HDLBP: variants seen among roughly 807,000 people sequenced by gnomAD.
HDLBP encodes high density lipoprotein binding protein.
In HDLBP, 30 loss-of-function variants were observed where a neutral mutation model predicts 137.3. The ratio of observed to expected loss-of-function variants is 0.22; its 90% CI spans 0.16 to 0.30. HDLBP has a LOEUF of 0.30. Among genes scored for constraint, HDLBP ranks in the 10% least tolerant of loss-of-function variants. The probability of loss-of-function intolerance (pLI) is 1.00; values close to 1 mark genes in which losing one functional copy is unlikely to be tolerated. For synonymous variants in HDLBP, 606 were observed against 596.0 expected, an observed-to-expected ratio of 1.02 and a Z score of -0.24; for missense variants, 1,119 against 1,667.3, an observed-to-expected ratio of 0.67 and a Z score of 5.73.
intron 8 of HDLBP, 37 bp downstream of exon 8, chr2:241,255,337 C>G: frequency 1.3e-6 from 2 of 1,584,252 alleles, no homozygotes; most frequent in Non-Finnish European, 1.7e-6. Context: ...GCGGACTCCA[C>G]TCAAAGGAGA....
intron 1 of HDLBP, among the ~76,000 whole-genome samples, chr2:241,274,411 T>C (rs2074315434): frequency 2.0e-5 from 3 of 152,256 alleles, no homozygotes; most frequent in African/African-American, 4.8e-5. Flanking sequence ...CATTCCCTTC[T>C]GTGTCACTGC....
At chr2:241,267,845 G>C (rs922962454) in intron 2 of HDLBP, 59 of 1,434,666 alleles carry the variant, frequency 4.1e-5, no homozygotes, top group Non-Finnish European at 4.8e-5. Context: ...CGCACAGCAG[G>C]GGAAACCTGG....
rs1271506625 is a variant in HDLBP, at chr2:241,235,560, G to A, written c.2939C>T (p.Pro980Leu). The change falls in exon 22 of 28, where the codon CCC (proline) becomes CTC (leucine). Residue 980 changes from proline to leucine, a missense_variant. Pro to Leu is a moderately conservative substitution (Grantham distance 98, BLOSUM62 -3). Around this residue, in one of 4 missense-constraint regions of HDLBP, gnomAD observed 618 missense variants for 816.7 expected, o/e 0.76. Coordinates refer to ENST00000310931, the MANE Select transcript of HDLBP (RefSeq NM_005336.6). ...LVPVTIEVEV[P>L]FDLHRYVIGQ... ...AATAACGTAACGGTGAAGGTCAAAG[G>A]GCACCTCTACTTCAATGGTGACAGG... 2 of 1,613,922 alleles carry A rather than the reference G, an allele frequency of 1.2e-6. No homozygotes were observed. The highest frequency in any genetic ancestry group is 1.3e-5 in the African/African-American group (1 of 74,890).
intron 1 of HDLBP, among the ~76,000 whole-genome samples, chr2:241,270,652 G>A (rs2073976314): frequency 6.6e-6 from 1 of 152,120 alleles, no homozygotes; most frequent in Non-Finnish European, 1.5e-5. Flanking sequence ...ACCTGCCTCT[G>A]GTTCAACAAA....
At chr2:241,261,977 G>A (rs1455120306) in intron 5 of HDLBP, among the ~76,000 whole-genome samples, 1 of 152,192 alleles carries the variant, frequency 6.6e-6, no homozygotes, top group Non-Finnish European at 1.5e-5. Flanking sequence ...AGCCTATCTA[G>A]TACAACAGCA....
At position 241,296,100 on chromosome 2, in the gene HDLBP, CAAAAAAAAA is replaced by C. The variant is rs34959720; in HGVS notation, c.-103+19461_-103+19469del. Among the ~76,000 whole-genome samples, 22 of 85,698 alleles carry C rather than the reference CAAAAAAAAA, an allele frequency of 2.6e-4. 2 individuals carry two copies. In the South Asian group the frequency reaches 0.011, roughly 42 times the overall value. 56.2% of individuals were successfully genotyped at this position (85,698 alleles called of 152,430 possible). ...CATAAAACCAGGCTAGAAAATTTTG[CAAAAAAAAA>C]AAAAAAAAAGCTGGGATTCAACTAA... is the stretch of plus-strand genomic sequence containing the variant. On this transcript the variant is annotated intron_variant, in intron 1 of 27. Transcript: ENST00000310931.
chr2:241,261,069 C>T (rs2073126897), intron 5 of HDLBP, among the ~76,000 whole-genome samples: 1 of 151,790 alleles, frequency 6.6e-6, no homozygotes. Flanking sequence ...ATGGTGCATG[C>T]CTGCAGTCTC....
intron 1 of HDLBP, among the ~76,000 whole-genome samples, chr2:241,288,027 C>T (rs1024229417): frequency 6.6e-6 from 1 of 152,154 alleles, no homozygotes; most frequent in African/African-American, 2.4e-5. Flanking sequence ...TGGACATATG[C>T]TAAGTGTTTG....
intron 23 of HDLBP, among the ~76,000 whole-genome samples, chr2:241,234,685 A>G (rs1224849299): frequency 6.6e-6 from 1 of 152,158 alleles, no homozygotes; most frequent in African/African-American, 2.4e-5. Context: ...TTCAAACGTC[A>G]GCCTTGCCAG....
At chr2:241,314,408 A>G (rs2149743104) in intron 1 of HDLBP, among the ~76,000 whole-genome samples, 1 of 152,332 alleles carries the variant, frequency 6.6e-6, no homozygotes, top group South Asian at 2.1e-4. Flanking sequence ...TAGGGTTTTA[A>G]GGAAGTTAGC....
chr2:241,309,384 C>T (rs1156563086), intron 1 of HDLBP, among the ~76,000 whole-genome samples: 1 of 152,132 alleles, frequency 6.6e-6, no homozygotes, highest in Non-Finnish European at 1.5e-5. Flanking sequence ...TACACTACTT[C>T]GTGAAGCACC....
In HDLBP at chr2:241,272,168, G is replaced by A. The variant is rs1224392675; in HGVS notation, c.-102-3627C>T. The A allele has an allele frequency of 2.0e-6, 2 of 985,126 alleles. No homozygotes were observed. Among genetic ancestry groups the A allele is most frequent in the South Asian group, 4.7e-5 (1 of 21,294 alleles). 61.0% of individuals were successfully genotyped at this position (985,126 alleles called of 1,614,324 possible). A position where few individuals can be genotyped will look rare whatever the true frequency, so the allele number is the denominator to read the frequency against. On this transcript the variant is annotated intron_variant, in intron 1 of 27. Transcript: ENST00000310931. The surrounding 1 kb of genome is among the most constrained non-coding windows in gnomAD (Gnocchi z 5.6). ...AGCTTTCCCCACCCCCGAACACGTA[G>A]ACTGACGCGGGCCCCGCGCGGCAGG...
chr2:241,238,821 G>A lies in HDLBP; in HGVS notation c.2611-34C>T, dbSNP rs775842362. The A allele has an allele frequency of 6.8e-7, 1 of 1,464,344 alleles. No homozygotes were observed. Among genetic ancestry groups the A allele is most frequent in the Non-Finnish European group, 9.1e-7 (1 of 1,095,192 alleles). The allele number at this position is 1,464,344 out of a possible 1,614,324, so 90.7% of individuals were successfully genotyped here. A position where few individuals can be genotyped will look rare whatever the true frequency, so the allele number is the denominator to read the frequency against. On this transcript the variant is annotated intron_variant, in intron 19 of 27. Coordinates refer to ENST00000310931, the MANE Select transcript of HDLBP (RefSeq NM_005336.6). The surrounding 1 kb of genome is among the most constrained non-coding windows in gnomAD (Gnocchi z 4.9). ...AGGTACACAAAGAAAAAAGAAAAGA[G>A]CAAAGATTAAATTCCTTAGGGCAAG... is the stretch of plus-strand genomic sequence containing the variant.
intron 1 of HDLBP, among the ~76,000 whole-genome samples, chr2:241,286,217 G>A (rs1051669218): frequency 3.9e-5 from 6 of 152,176 alleles, no homozygotes; most frequent in African/African-American, 1.4e-4. Context: ...ACTTTGGGAG[G>A]TTGAGGTGGG....
In HDLBP at chr2:241,293,751, C is replaced by T. The variant is rs550304265; in HGVS notation, c.-103+21819G>A. Among the ~76,000 whole-genome samples, 7 of 150,854 alleles carry T rather than the reference C, an allele frequency of 4.6e-5. No individual in the cohort carries two copies. In the South Asian group the frequency reaches 1.5e-3, roughly 32 times the overall value. On this transcript the variant is annotated intron_variant, in intron 1 of 27. Coordinates refer to ENST00000310931, the MANE Select transcript of HDLBP (RefSeq NM_005336.6). ...CCTGGGCAACATAGCGAAACCTCAT[C>T]TCTACCAAAAATACAAAAAATTAGC...
chr2:241,231,710 C>T (rs1396025860), intron 24 of HDLBP, among the ~76,000 whole-genome samples: 1 of 152,102 alleles, frequency 6.6e-6, no homozygotes, highest in Non-Finnish European at 1.5e-5. Context: ...TCAGGCCTTC[C>T]TTGGGCCACA....
intron 1 of HDLBP, among the ~76,000 whole-genome samples, chr2:241,279,454 AAAC>A (rs748353914): frequency 6.6e-6 from 1 of 152,234 alleles, no homozygotes; most frequent in Non-Finnish European, 1.5e-5. Flanking sequence ...ACTCTGAAGA[AAAC>A]AACGTGGAGG....
In HDLBP at chr2:241,247,100, A is replaced by G; in HGVS notation, c.1774T>C (p.Phe592Leu). ...YSISVPIFKQ[F>L]HKNIIGKGGA... Reference sequence around the variant, plus strand: ...CCTTTCCCAATGATATTCTTGTGAAACTGTTTGAAGATCGGAACAGAAATT... The same window carrying G: ...CCTTTCCCAATGATATTCTTGTGAAGCTGTTTGAAGATCGGAACAGAAATT... Residue 592 changes from phenylalanine (F) to leucine (L), a missense_variant, in exon 15 of 28, where the codon TTT becomes CTT. Physicochemically the swap from Phe to Leu is conservative, Grantham distance 22. Around this residue, in one of 4 missense-constraint regions of HDLBP, gnomAD observed 425 missense variants for 693.9 expected, o/e 0.61. Transcript: ENST00000310931. 1 of 1,613,768 alleles carries G rather than the reference A, an allele frequency of 6.2e-7. No individual in the cohort carries two copies. Among genetic ancestry groups the G allele is most frequent in the African/African-American group, 1.3e-5 (1 of 75,028 alleles).
At position 241,235,482 on chromosome 2, in the gene HDLBP, G is replaced by C. The variant is rs748471922; in HGVS notation, c.3009+8C>G. The C allele has an allele frequency of 6.2e-7, 1 of 1,606,952 alleles. No individual in the cohort carries two copies. Among genetic ancestry groups the C allele is most frequent in the South Asian group, 1.1e-5 (1 of 90,904 alleles). ...CCTGTGACATGGCCTCCCGGGAAAG[G>C]GGTCTACCTCAAACTCATCCATCAT... On this transcript the variant is annotated splice_region_variant and intron_variant, in intron 22 of 27. Transcript: ENST00000310931.
Sources: gnomAD v4.1 joint callset for allele counts (sites outside exome capture counted in the v4.1 genomes callset) on GRCh38, gnomAD v4.1.1 for gene constraint, gnomAD v4.1.1 regional missense constraint, Gnocchi (gnomAD v3.1) non-coding constraint, MANE v1.5 for transcripts, NCBI Gene and HGNC (gene_info 2026-07-23, HGNC 2026-07-21) for gene names.